AIM2: variants seen among roughly 807,000 people sequenced by gnomAD.
AIM2 encodes the protein interferon-inducible protein AIM2.
AIM2 carries 30 observed loss-of-function variants against 27.7 expected under a neutral mutation model. The ratio of observed to expected loss-of-function variants is 1.08; its 90% CI spans 0.81 to 1.47. AIM2 has a LOEUF of 1.47. AIM2 is among the 40% of genes most tolerant of loss of function. AIM2 has a pLI of 0.00. For synonymous variants in AIM2, 141 were observed against 145.3 expected, an observed-to-expected ratio of 0.97 and a Z score of 0.21; for missense variants, 358 against 411.3, an observed-to-expected ratio of 0.87 and a Z score of 1.12.
At chr1:159,136,524 G>T (rs1570984796) in intron 1 of AIM2, among the ~76,000 whole-genome samples, 3 of 152,230 alleles carry the variant, frequency 2.0e-5, no homozygotes, top group Non-Finnish European at 4.4e-5. Flanking sequence ...CTTCTACTAT[G>T]CTCATGGTTA....
intron 1 of AIM2, among the ~76,000 whole-genome samples, chr1:159,108,895 G>A (rs558056316): frequency 1.2e-4 from 18 of 152,164 alleles, no homozygotes; most frequent in African/African-American, 3.6e-4. Context: ...AATCATAGAC[G>A]ACACACACAA....
intron 1 of AIM2, among the ~76,000 whole-genome samples, chr1:159,089,852 C>A (rs1403385948): frequency 6.6e-6 from 1 of 152,164 alleles, no homozygotes; most frequent in African/African-American, 2.4e-5. Flanking sequence ...AGTTCAGTAA[C>A]TATTTGTTTT....
chr1:159,064,077 A>G (rs1655973065), intron 4 of AIM2, among the ~76,000 whole-genome samples: 1 of 152,228 alleles, frequency 6.6e-6, no homozygotes, highest in Non-Finnish European at 1.5e-5. Flanking sequence ...GTTGTCCGTA[A>G]GTCTTCTGAT....
chr1:159,109,590 C>A (rs1176159071), intron 1 of AIM2, among the ~76,000 whole-genome samples: 2 of 152,102 alleles, frequency 1.3e-5, no homozygotes, highest in African/African-American at 4.8e-5. Context: ...GGCTTTTGCA[C>A]AGCAAAAGGA....
intron 1 of AIM2, among the ~76,000 whole-genome samples, chr1:159,108,322 AAGCATTCAACAAAATCC>A (rs1657495650): frequency 6.6e-6 from 1 of 152,244 alleles, no homozygotes; most frequent in Non-Finnish European, 1.5e-5. Flanking sequence ...GATGCCGAAA[AAGCATTCAACAAAATCC>A]AGCATCCCTT....
At chr1:159,123,730 T>G (rs1480783931) in intron 1 of AIM2, 1 of 152,234 alleles carries the variant, frequency 6.6e-6, no homozygotes, top group Non-Finnish European at 1.5e-5. Flanking sequence ...AAGCGGGTGT[T>G]TCACACTTTC....
chr1:159,109,672 T>C (rs1441325833), intron 1 of AIM2, among the ~76,000 whole-genome samples: 1 of 151,832 alleles, frequency 6.6e-6, no homozygotes, highest in Admixed American at 6.6e-5. Flanking sequence ...ACTGACAAAG[T>C]GCTAATATCC....
chr1:159,078,028 C>G (rs1451236463), upstream of AIM2, among the ~76,000 whole-genome samples: 1 of 152,126 alleles, frequency 6.6e-6, no homozygotes, highest in Non-Finnish European at 1.5e-5. Flanking sequence ...CTAACCATGC[C>G]CAGGTAATCA....
At chr1:159,113,873 A>G (rs1018970042) in intron 1 of AIM2, among the ~76,000 whole-genome samples, 1 of 152,220 alleles carries the variant, frequency 6.6e-6, no homozygotes, top group Admixed American at 6.5e-5. Flanking sequence ...AAGAAGTGCT[A>G]CTGGCTATTT....
In AIM2 at chr1:159,068,689, T is replaced by C. The variant is rs1656222401; in HGVS notation, c.275A>G (p.Tyr92Cys). 3 of 1,613,764 alleles carry C rather than the reference T, an allele frequency of 1.9e-6. No homozygotes were observed. The highest frequency in any genetic ancestry group is 2.7e-5 in the African/African-American group (2 of 74,914). ...TGGCTTTGGTTTTGTTACCGATTTG[T>C]ATTGCTTATCAACTGATTAAAAAAT... Reference protein sequence around the residue: ...QEEKEKVDKQYKSVTKPKPLS... With the variant: ...QEEKEKVDKQCKSVTKPKPLS... Residue 92 changes from tyrosine to cysteine, a missense_variant, in exon 3 of 6, where the codon TAC (tyrosine) becomes TGC (cysteine). Coordinates refer to ENST00000368130, the MANE Select transcript of AIM2 (RefSeq NM_004833.3).
chr1:159,119,622 A>C (rs1255324409), intron 1 of AIM2, among the ~76,000 whole-genome samples: 1 of 152,206 alleles, frequency 6.6e-6, no homozygotes, highest in African/African-American at 2.4e-5. Context: ...AGCCAGTTCC[A>C]TAAGGAGCCC....
chr1:159,111,820 TATCTATCTATC>T (rs1375545232), intron 1 of AIM2, among the ~76,000 whole-genome samples: 10 of 140,720 alleles, frequency 7.1e-5, no homozygotes, highest in African/African-American at 2.5e-4. Flanking sequence ...AAAAACTATC[TATCTATCTATC>T]ATCTATCTAT....
intron 1 of AIM2, among the ~76,000 whole-genome samples, chr1:159,095,956 A>G (rs1321551993): frequency 6.6e-6 from 1 of 152,342 alleles, no homozygotes; most frequent in East Asian, 1.9e-4. Flanking sequence ...CTAGGGTCTC[A>G]TATATTAAAT....
chr1:159,141,610 C>A (rs1648112320), upstream of AIM2, among the ~76,000 whole-genome samples: 1 of 152,136 alleles, frequency 6.6e-6, no homozygotes, highest in African/African-American at 2.4e-5. Flanking sequence ...TGCCAGGTGA[C>A]CATCTCTGCC....
chr1:159,123,458 T>C (rs1278182124), intron 1 of AIM2: 1 of 152,246 alleles, frequency 6.6e-6, no homozygotes, highest in Non-Finnish European at 1.5e-5. Flanking sequence ...AAAAGTATCC[T>C]GTTGTTCTGT....
chr1:159,108,116 A>T (rs1284166928), intron 1 of AIM2, among the ~76,000 whole-genome samples: 2 of 152,100 alleles, frequency 1.3e-5, no homozygotes, highest in Non-Finnish European at 2.9e-5. Context: ...AAAACTACAG[A>T]CCCAATATCC....
At chr1:159,145,523 T>C (rs1648186005) in intron 1 of AIM2, among the ~76,000 whole-genome samples, 1 of 152,024 alleles carries the variant, frequency 6.6e-6, no homozygotes, top group Admixed American at 6.6e-5. Flanking sequence ...GAAAGACAAA[T>C]ACGGAGCAAA....
At chr1:159,122,578 C>A (rs1355231354) in intron 1 of AIM2, among the ~76,000 whole-genome samples, 1 of 152,176 alleles carries the variant, frequency 6.6e-6, no homozygotes, top group South Asian at 2.1e-4. Flanking sequence ...AGGAGGATTA[C>A]TTGGGACACA....
rs769039203 is a variant in AIM2, at chr1:159,068,746, T to C, written c.263-45A>G. On this transcript the variant is annotated intron_variant, in intron 2 of 5. Transcript: ENST00000368130. The stretch of plus-strand genomic sequence containing the variant: ...CATGGCCAATAAGCATATAAACATA[T>C]GAGCAGTGCACATTTTCAAATGTCA... 3.2e-6 allele frequency: 5 copies of C among 1,577,230 alleles called. No individual in the cohort carries two copies. The South Asian group carries it at 4.6e-5, about 15-fold the overall frequency.
Sources: allele counts gnomAD v4.1 joint callset (sites outside exome capture counted in the v4.1 genomes callset), GRCh38; gene constraint gnomAD v4.1.1; transcripts MANE v1.5; gene names NCBI Gene and HGNC (gene_info 2026-07-23, HGNC 2026-07-21).